PRUNE2: variants seen among roughly 807,000 people sequenced by gnomAD.
PRUNE2 encodes the protein protein prune homolog 2.
A neutral mutation model predicts 252.0 loss-of-function variants in PRUNE2; 164 were observed. The ratio of observed to expected loss-of-function variants is 0.65; its 90% CI spans 0.57 to 0.74. PRUNE2 has a LOEUF of 0.74. PRUNE2 is among the 30% of genes least tolerant of loss of function. PRUNE2 has a pLI of 0.00. For synonymous variants in PRUNE2, 1,292 were observed against 1,350.2 expected (o/e 0.96, Z 0.94); for missense variants, 3,495 against 3,711.0 (o/e 0.94, Z 1.51).
At chr9:76,886,284 A>G (rs2062094739) in intron 1 of PRUNE2, among the ~76,000 whole-genome samples, 3 of 152,226 alleles carry the variant, frequency 2.0e-5, no homozygotes, top group Middle Eastern at 3.2e-3. Flanking sequence ...ACCAAGACCC[A>G]AAGAGGTTAA....
intron 6 of PRUNE2, among the ~76,000 whole-genome samples, chr9:76,794,335 G>C (rs914821714): frequency 6.6e-6 from 1 of 152,170 alleles, no homozygotes; most frequent in Non-Finnish European, 1.5e-5. Flanking sequence ...CGCGGCCTCC[G>C]AGCGAGCGCG....
At chr9:76,690,455 C>A (rs995010836) in intron 9 of PRUNE2, among the ~76,000 whole-genome samples, 5 of 152,158 alleles carry the variant, frequency 3.3e-5, no homozygotes, top group Non-Finnish European at 7.3e-5. Flanking sequence ...GTACCTGAAC[C>A]TATGTGCAAA....
intron 2 of PRUNE2, among the ~76,000 whole-genome samples, chr9:76,850,876 C>G (rs2059918939): frequency 6.6e-6 from 1 of 151,964 alleles, no homozygotes; most frequent in African/African-American, 2.4e-5. Context: ...TCTTGTTACC[C>G]TACTTGAAAC....
rs577093181 is a variant in PRUNE2, at chr9:76,894,045, A to C, written c.36+11883T>G. Among the ~76,000 whole-genome samples the C allele has an allele frequency of 1.1e-4, 16 of 152,356 alleles. 1 individual carries two copies. In the South Asian group the frequency reaches 3.3e-3, roughly 32 times the overall value. ...TCTTGTTTATCTTTTTCTGTGACCT[A>C]TATACATTTCTTAAGACCATGCTTG... On this transcript the variant is annotated intron_variant, in intron 1 of 18. Coordinates refer to ENST00000376718, the MANE Select transcript of PRUNE2 (RefSeq NM_015225.3).
chr9:76,616,267 C>A (rs1300698361), intron 18 of PRUNE2, among the ~76,000 whole-genome samples: 1 of 152,116 alleles, frequency 6.6e-6, no homozygotes, highest in Non-Finnish European at 1.5e-5. Flanking sequence ...TTTCATATAC[C>A]TTTACAAAAC....
intron 1 of PRUNE2, among the ~76,000 whole-genome samples, chr9:76,874,041 G>A (rs761452741): frequency 5.3e-5 from 8 of 152,018 alleles, no homozygotes; most frequent in East Asian, 1.9e-4. Context: ...ACATCTCTTC[G>A]GGAGATGTAA....
chr9:76,676,163 C>G (rs980657918), intron 9 of PRUNE2, among the ~76,000 whole-genome samples: 1 of 151,294 alleles, frequency 6.6e-6, no homozygotes, highest in African/African-American at 2.4e-5. Flanking sequence ...TGCAAGTACT[C>G]TAAATCAAGC....
chr9:76,903,551 G>T (rs1361249148), intron 1 of PRUNE2, among the ~76,000 whole-genome samples: 1 of 152,044 alleles, frequency 6.6e-6, no homozygotes, highest in Non-Finnish European at 1.5e-5. Flanking sequence ...GTTTTCCAAA[G>T]GATTGGCTGA....
intron 9 of PRUNE2, among the ~76,000 whole-genome samples, chr9:76,664,520 T>G (rs2133724516): frequency 6.6e-6 from 1 of 152,344 alleles, no homozygotes; most frequent in South Asian, 2.1e-4. Context: ...ATATTATTTA[T>G]TTTATTCATT....
At chr9:76,746,860 G>A (rs2050171750) in intron 6 of PRUNE2, among the ~76,000 whole-genome samples, 1 of 152,100 alleles carries the variant, frequency 6.6e-6, no homozygotes, top group African/African-American at 2.4e-5. Context: ...CTTGCCCTGT[G>A]CATCTCTTCC....
chr9:76,868,459 T>C (rs1316529274), intron 1 of PRUNE2, among the ~76,000 whole-genome samples: 3 of 152,154 alleles, frequency 2.0e-5, no homozygotes, highest in Non-Finnish European at 2.9e-5. Flanking sequence ...CCACCATCCC[T>C]AGCAATCCCC....
At chr9:76,655,552 C>A in intron 9 of PRUNE2, 50 bp from the exon 10 acceptor site, 3 of 1,373,306 alleles carry the variant, frequency 2.2e-6, no homozygotes, top group Non-Finnish European at 2.1e-6. Context: ...TGTAAGACTT[C>A]ATTTCTTTTG....
At chr9:76,788,274 C>A in intron 6 of PRUNE2, 2 of 571,186 alleles carry the variant, frequency 3.5e-6, no homozygotes, top group Non-Finnish European at 3.1e-6. Context: ...GTTAACTCAC[C>A]AAACAGATAT....
chr9:76,808,186 A>T (rs896987115), intron 6 of PRUNE2, among the ~76,000 whole-genome samples: 7 of 152,150 alleles, frequency 4.6e-5, no homozygotes, highest in African/African-American at 1.7e-4. Flanking sequence ...TGTGTCAAAA[A>T]ACAAAAACAA....
Position 76,710,642 on chromosome 9 carries a change from G to T in PRUNE2, c.1632C>A (p.Thr544=), listed in dbSNP as rs600859. ...AGPEGLDGMG[T]NMSNYSSSSL... ...AACTGGATGAATAATTAGACATGTT[G>T]GTTCCCATGCCATCAAGTCCTTCAG... is the stretch of plus-strand genomic sequence containing the variant. The change falls in exon 8 of 19, where the codon ACC becomes ACA. Residue 544 remains threonine, a synonymous_variant. Transcript: ENST00000376718. 2.2e-5 allele frequency: 35 copies of T among 1,612,098 alleles called. No individual in the cohort carries two copies. In the African/African-American group the frequency reaches 3.6e-4, roughly 17 times the overall value.
chr9:76,643,572 G>C (rs1457164800), intron 12 of PRUNE2, among the ~76,000 whole-genome samples: 6 of 152,120 alleles, frequency 3.9e-5, no homozygotes, highest in Admixed American at 3.9e-4. Flanking sequence ...AAGGGCTACG[G>C]GCATGATTTC....
chr9:76,625,499 G>A (rs1834295312), intron 16 of PRUNE2, among the ~76,000 whole-genome samples: 1 of 152,186 alleles, frequency 6.6e-6, no homozygotes, highest in Non-Finnish European at 1.5e-5. Flanking sequence ...GTCATTAGGT[G>A]ATGTATGATG....
At chr9:76,722,465 G>T (rs2047729858) in intron 6 of PRUNE2, among the ~76,000 whole-genome samples, 1 of 152,070 alleles carries the variant, frequency 6.6e-6, no homozygotes, top group African/African-American at 2.4e-5. Flanking sequence ...ATCACATTTT[G>T]AAAAGAAAGT....
intron 6 of PRUNE2, among the ~76,000 whole-genome samples, chr9:76,777,439 G>A (rs1354491321): frequency 6.6e-6 from 1 of 152,162 alleles, no homozygotes; most frequent in Non-Finnish European, 1.5e-5. Flanking sequence ...ACAGAGCTCT[G>A]AGCTCAGCAC....
Sources: gnomAD v4.1 joint callset for allele counts (sites outside exome capture counted in the v4.1 genomes callset) on GRCh38, gnomAD v4.1.1 for gene constraint, MANE v1.5 for transcripts, NCBI Gene and HGNC (gene_info 2026-07-23, HGNC 2026-07-21) for gene names.